GPRIN3: variants seen among roughly 807,000 people sequenced by gnomAD.
GPRIN3 encodes the protein G protein-regulated inducer of neurite outgrowth 3.
In GPRIN3, 12 loss-of-function variants were observed where a neutral mutation model predicts 13.7. The observed-to-expected ratio is 0.87, with a 90% CI of 0.56 to 1.42. The LOEUF (loss-of-function observed/expected upper bound fraction) is 1.42, where lower values mean the gene tolerates loss of function less well. GPRIN3 is among the 40% of genes most tolerant of loss of function. The probability of loss-of-function intolerance (pLI) is 0.00; values close to 1 mark genes in which losing one functional copy is unlikely to be tolerated. For synonymous variants in GPRIN3, 377 were observed against 372.7 expected, an observed-to-expected ratio of 1.01 and a Z score of -0.13; for missense variants, 1,009 against 958.7, an observed-to-expected ratio of 1.05 and a Z score of -0.69.
intron 1 of GPRIN3, 100 bp downstream of exon 1, chr4:89,307,515 T>C (rs537124262): frequency 6.6e-5 from 10 of 152,184 alleles, no homozygotes; most frequent in Non-Finnish European, 1.0e-4. Flanking sequence ...CTGTGCAAAA[T>C]GTGGGACCGA....
In GPRIN3 at chr4:89,243,590, G is replaced by A. The variant is rs921759678; in HGVS notation, c.*4190C>T. ...AAAACAGAGTGGGAATAAGGTAGTC[G>A]GCTCACTTATGCAAGATACTGCTGA... On this transcript the variant is annotated 3_prime_UTR_variant, in exon 2 of 2. Transcript: ENST00000609438. 6.6e-6 allele frequency: 1 copy of A among 152,132 alleles called. No individual in the cohort carries two copies. Among genetic ancestry groups the A allele is most frequent in the Non-Finnish European group, 1.5e-5 (1 of 68,032 alleles). 9.4% of individuals were successfully genotyped at this position (152,132 alleles called of 1,614,324 possible).
rs1723177871 is a variant in GPRIN3 at position 89,248,350 on chromosome 4, C to A, written c.1761G>T (p.Lys587Asn). The part of the protein sequence containing the change: ...AANPTPSPIR[K>N]NQESTLEENR... ...TTTCTTCTAAGGTGCTCTCCTGGTTCTTCCTAATTGGGGAGGGTGTAGGAT... is the reference window on the plus strand; with the variant it reads ...TTTCTTCTAAGGTGCTCTCCTGGTTATTCCTAATTGGGGAGGGTGTAGGAT... The change falls in exon 2 of 2, where the codon AAG (lysine) becomes AAT (asparagine). Residue 587 changes from lysine to asparagine, a missense_variant. Coordinates refer to ENST00000609438, the MANE Select transcript of GPRIN3 (RefSeq NM_198281.3). 1 of 1,614,162 alleles carries A rather than the reference C, an allele frequency of 6.2e-7. No individual in the cohort carries two copies. Among genetic ancestry groups the A allele is most frequent in the African/African-American group, 1.3e-5 (1 of 75,046 alleles).
intron 1 of GPRIN3, among the ~76,000 whole-genome samples, chr4:89,306,240 A>G (rs1236029366): frequency 6.6e-6 from 1 of 152,146 alleles, no homozygotes; most frequent in African/African-American, 2.4e-5. Context: ...TATTCCCACA[A>G]TTGTTACTCA....
At chr4:89,299,173 A>C (rs1315801300) in intron 1 of GPRIN3, among the ~76,000 whole-genome samples, 1 of 152,142 alleles carries the variant, frequency 6.6e-6, no homozygotes, top group African/African-American at 2.4e-5. Context: ...TGATACTTAA[A>C]CACAGCCACC....
In GPRIN3 at chr4:89,297,824, T is replaced by C. The variant is rs78262292; in HGVS notation, c.-124+9791A>G. 2.4e-3 allele frequency among the ~76,000 whole-genome samples: 361 copies of C among 152,286 alleles called. 2 individuals are homozygous for C. In the Middle Eastern group the frequency reaches 0.034, roughly 14 times the overall value. The stretch of plus-strand genomic sequence containing the variant: ...TCCCCAATAATGATCTGACTCAAGA[T>C]CATTCCCCAAGGGTGGAAGAGCTTC... On this transcript the variant is annotated intron_variant, in intron 1 of 1. Transcript: ENST00000609438.
chr4:89,254,152 G>GTGTGTGTGTGTGTGTGTGTGTGT (rs1723407257), intron 1 of GPRIN3, among the ~76,000 whole-genome samples: 1 of 57,560 alleles, frequency 1.7e-5, no homozygotes, highest in Non-Finnish European at 3.9e-5. Context: ...TGTGTGTGTG[G>GTGTGTGTGTGTGTGTGTGTGTGT]AGTGTGTGTC....
intron 1 of GPRIN3, among the ~76,000 whole-genome samples, chr4:89,299,577 C>G (rs1224687834): frequency 3.9e-5 from 6 of 152,042 alleles, no homozygotes; most frequent in Non-Finnish European, 8.8e-5. Context: ...CATTTTTTAG[C>G]CATAGTAACG....
At chr4:89,274,954 G>A (rs138104936) in intron 1 of GPRIN3, among the ~76,000 whole-genome samples, 1,806 of 152,254 alleles carry the variant, frequency 0.012, 25 homozygotes, top group Admixed American at 0.019. Flanking sequence ...GTCCTACTCC[G>A]GAAAAGACCC....
chr4:89,284,397 G>T (rs977472775), intron 1 of GPRIN3, among the ~76,000 whole-genome samples: 1 of 152,184 alleles, frequency 6.6e-6, no homozygotes, highest in African/African-American at 2.4e-5. Context: ...TTCACATCTG[G>T]TTGGCCACTT....
rs201601215 is a variant in GPRIN3, at chr4:89,250,011, G to A, written c.100C>T (p.Arg34Trp). 30 of 1,614,092 alleles carry A rather than the reference G, an allele frequency of 1.9e-5. No individual in the cohort carries two copies. The highest frequency in any genetic ancestry group is 8.8e-5 in the South Asian group (8 of 91,090). The stretch of plus-strand genomic sequence containing the variant: ...TTACACAGGAGAGCTGGTCGATGCC[G>A]AGGTGAGGCAGCCTGTGGCTCTCCT... ...DLGEPQAASP[R>W]HRPALLCKNA... The change falls in exon 2 of 2, where the codon CGG becomes TGG. Residue 34 changes from arginine to tryptophan, a missense_variant. Arg to Trp is a moderately radical substitution (Grantham distance 101). Coordinates refer to ENST00000609438, the MANE Select transcript of GPRIN3 (RefSeq NM_198281.3).
chr4:89,237,071 G>A lies in GPRIN3; in HGVS notation c.*10709C>T, dbSNP rs1722810053. 2.0e-5 allele frequency: 3 copies of A among 152,100 alleles called. No homozygotes were observed. The highest frequency in any genetic ancestry group is 2.1e-4 in the South Asian group (1 of 4,818). The allele number at this position is 152,100 out of a possible 1,614,324, so 9.4% of individuals were successfully genotyped here. A position where few individuals can be genotyped will look rare whatever the true frequency, so the allele number is the denominator to read the frequency against. On this transcript the variant is annotated 3_prime_UTR_variant, in exon 2 of 2. Transcript: ENST00000609438. ...AGGCTCTTTTGCAGTTTGATTGAGA[G>A]ACGTCAAGCGGGACTAAAAAAGGTG...
chr4:89,259,981 AT>A (rs1395061164), intron 1 of GPRIN3, among the ~76,000 whole-genome samples: 1 of 152,006 alleles, frequency 6.6e-6, no homozygotes, highest in Non-Finnish European at 1.5e-5. Context: ...ATTTTTTTGT[AT>A]TTTTAACAGA....
At chr4:89,286,607 C>G (rs1476873086) in intron 1 of GPRIN3, among the ~76,000 whole-genome samples, 1 of 151,594 alleles carries the variant, frequency 6.6e-6, no homozygotes, top group Non-Finnish European at 1.5e-5. Context: ...TTGTTTCTTA[C>G]GTACATATCC....
rs780920442 is a variant in GPRIN3, at chr4:89,250,020, CA to C, written c.90del (p.Ala31ProfsTer35). ...AGAGCTGGTCGATGCCGAGGTGAGG[CA>C]GCCTGTGGCTCTCCTAGATCGTCTT... ...GKEDDLGEPQ[A>X]ASPRHRPALL... On this transcript the variant is annotated frameshift_variant, in exon 2 of 2. Transcript: ENST00000609438. LOFTEE classifies it low-confidence loss of function (END_TRUNC). 5.0e-6 allele frequency: 8 copies of C among 1,614,212 alleles called. No homozygotes were observed. Among genetic ancestry groups the C allele is most frequent in the Non-Finnish European group, 6.8e-6 (8 of 1,180,020 alleles).
rs969224265 is a variant in GPRIN3 at position 89,282,657 on chromosome 4, G to C, written c.-124+24958C>G. ...TTAGTGTGTTTTATGTGTTGCCCAA[G>C]ACAATTATTCCAGCGTGACCCAGGG... On this transcript the variant is annotated intron_variant, in intron 1 of 1. Coordinates refer to ENST00000609438, the MANE Select transcript of GPRIN3 (RefSeq NM_198281.3). Among the ~76,000 whole-genome samples the C allele has an allele frequency of 4.4e-4, 64 of 145,626 alleles. 1 individual carries two copies. Among genetic ancestry groups the C allele is most frequent in the Non-Finnish European group, 7.5e-5 (5 of 66,990 alleles).
rs563109504 is a variant in GPRIN3, at chr4:89,262,118, C to A, written c.-123-11885G>T. On this transcript the variant is annotated intron_variant, in intron 1 of 1. Transcript: ENST00000609438. ...TCCAGCCTAGATGACGGAGTGAGAC[C>A]CAGTCTCAAAAAAAAAAAAAAAAAA... Among the ~76,000 whole-genome samples the A allele has an allele frequency of 4.1e-4, 59 of 142,502 alleles. 2 individuals are homozygous for A. The South Asian group carries it at 0.012, about 30-fold the overall frequency. 93.5% of individuals were successfully genotyped at this position (142,502 alleles called of 152,430 possible).
chr4:89,283,900 C>T (rs1341989484), intron 1 of GPRIN3, among the ~76,000 whole-genome samples: 1 of 151,984 alleles, frequency 6.6e-6, no homozygotes, highest in Admixed American at 6.6e-5. Flanking sequence ...AGTAAAACTG[C>T]GGGGGGCTTT....
rs560989613 is a variant in GPRIN3, at chr4:89,248,559, T to C, written c.1552A>G (p.Ile518Val). Residue 518 changes from isoleucine to valine, a missense_variant, in exon 2 of 2, where the codon ATC becomes GTC. Physicochemically the swap from Ile to Val is conservative, Grantham distance 29 (BLOSUM62 3). Transcript: ENST00000609438. ...CTCCCAGAATGATCAGCTTTGCTGATAGAGCCACAAGAGTCAGATAGTTTG... is the reference window on the plus strand; with the variant it reads ...CTCCCAGAATGATCAGCTTTGCTGACAGAGCCACAAGAGTCAGATAGTTTG... Reference protein sequence around the residue: ...DCKLSDSCGSISKADHSGSLD... With the variant: ...DCKLSDSCGSVSKADHSGSLD... 3.7e-6 allele frequency: 6 copies of C among 1,613,216 alleles called. No homozygotes were observed. The highest frequency in any genetic ancestry group is 3.3e-5 in the South Asian group (3 of 91,062).
chr4:89,252,936 C>T, intron 1 of GPRIN3, among the ~76,000 whole-genome samples: 1 of 150,328 alleles, frequency 6.7e-6, no homozygotes. Flanking sequence ...ACCTATTCTT[C>T]AAGGCCCCAC....
Sources: allele counts gnomAD v4.1 joint callset (sites outside exome capture counted in the v4.1 genomes callset), GRCh38; gene constraint gnomAD v4.1.1; transcripts MANE v1.5; gene names NCBI Gene and HGNC (gene_info 2026-07-23, HGNC 2026-07-21).